Variants in ZCCHC4 observed in about 807,000 individuals in gnomAD.
ZCCHC4 encodes rRNA N(6)-adenosine-methyltransferase ZCCHC4.
In ZCCHC4, 54 loss-of-function variants were observed where a neutral mutation model predicts 67.7. The ratio of observed to expected loss-of-function variants is 0.80; its 90% confidence interval spans 0.64 to 1.00. The LOEUF (loss-of-function observed/expected upper bound fraction) is 1.00. ZCCHC4 is among the 50% of genes least tolerant of loss of function. The probability of loss-of-function intolerance (pLI) is 0.00; values close to 1 mark genes in which losing one functional copy is unlikely to be tolerated. For synonymous variants in ZCCHC4, 198 were observed against 213.5 expected (o/e 0.93, Z 0.63); for missense variants, 609 against 617.0 (o/e 0.99, Z 0.14).
chr4:25,341,711 C>T (rs903046383), intron 5 of ZCCHC4, among the ~76,000 whole-genome samples: 1 of 152,212 alleles, frequency 6.6e-6, no homozygotes, highest in Non-Finnish European at 1.5e-5. Context: ...GCGCCCCTAA[C>T]CTCTGTGTTG....
At position 25,313,283 on chromosome 4, in the gene ZCCHC4, G is replaced by A. The variant is rs77712518; in HGVS notation, c.127+347G>A. The stretch of plus-strand genomic sequence containing the variant: ...CTCTCCCTTCAAAAATAAAAAATTA[G>A]GGAGAAAAACAGTGTAATTCTTGCC... On this transcript the variant is annotated intron_variant, in intron 1 of 12. Transcript: ENST00000302874. Among the ~76,000 whole-genome samples, 292 of 152,290 alleles carry A rather than the reference G, an allele frequency of 1.9e-3. 3 individuals carry two copies. The highest frequency in any genetic ancestry group is 6.8e-3 in the African/African-American group (283 of 41,560).
intron 8 of ZCCHC4, among the ~76,000 whole-genome samples, chr4:25,352,765 C>T (rs1462180527): frequency 6.6e-6 from 1 of 152,220 alleles, no homozygotes; most frequent in Non-Finnish European, 1.5e-5. Context: ...GAATAATCGA[C>T]TAGCCCCTGA....
At chr4:25,349,415 C>T (rs1560411788) in intron 6 of ZCCHC4, 77 bp from the exon 7 acceptor site, 12 of 1,407,590 alleles carry the variant, frequency 8.5e-6, no homozygotes, top group Non-Finnish European at 1.1e-5. Context: ...GAGACTGAGT[C>T]TAATGCATTC....
At chr4:25,353,434 G>A (rs1430729584) in intron 8 of ZCCHC4, among the ~76,000 whole-genome samples, 1 of 152,108 alleles carries the variant, frequency 6.6e-6, no homozygotes, top group Non-Finnish European at 1.5e-5. Context: ...CTCGTTTTTG[G>A]GGCATCAAGT....
intron 12 of ZCCHC4, among the ~76,000 whole-genome samples, chr4:25,368,218 G>A (rs1721019842): frequency 6.6e-6 from 1 of 152,170 alleles, no homozygotes; most frequent in Non-Finnish European, 1.5e-5. Flanking sequence ...TGATATTGCT[G>A]GGTAATCAGG....
rs1721061095 is a variant in ZCCHC4 at position 25,369,329 on chromosome 4, T to G, written c.*165T>G. Reference sequence around the variant, plus strand: ...GCTGGTTTACAGTCCCTTATCTGCCTCTCTGGAGACATGGGGAGTTGTTCC... The same window carrying G: ...GCTGGTTTACAGTCCCTTATCTGCCGCTCTGGAGACATGGGGAGTTGTTCC... On this transcript the variant is annotated 3_prime_UTR_variant, in exon 13 of 13. Transcript: ENST00000302874. 1.2e-6 allele frequency: 1 copy of G among 838,676 alleles called. No homozygotes were observed. Among genetic ancestry groups the G allele is most frequent in the Non-Finnish European group, 1.8e-6 (1 of 551,344 alleles). 52.0% of individuals were successfully genotyped at this position (838,676 alleles called of 1,614,324 possible). A position where few individuals can be genotyped will look rare whatever the true frequency, so the allele number is the denominator to read the frequency against.
At chr4:25,351,756 C>T in intron 8 of ZCCHC4, 67 bp downstream of exon 8, 3 of 1,332,890 alleles carry the variant, frequency 2.3e-6, no homozygotes, top group African/African-American at 1.5e-5. Flanking sequence ...AGATATAAGA[C>T]TATTCATTGA....
chr4:25,328,421 G>T (rs28644202), intron 3 of ZCCHC4, among the ~76,000 whole-genome samples: 1 of 151,934 alleles, frequency 6.6e-6, no homozygotes, highest in South Asian at 2.1e-4. Flanking sequence ...TGTATTTTTC[G>T]TAGAGATGGG....
Position 25,369,257 on chromosome 4 carries a change from C to T in ZCCHC4, c.*93C>T. On this transcript the variant is annotated 3_prime_UTR_variant, in exon 13 of 13. Coordinates refer to ENST00000302874, the MANE Select transcript of ZCCHC4 (RefSeq NM_024936.3). ...ACACTGGACTTAAATTCAGCTGCTT[C>T]CAGAGGTGTGCACCTTTCTGAGCTA... is the stretch of plus-strand genomic sequence containing the variant. The T allele has an allele frequency of 6.4e-7, 1 of 1,555,596 alleles. No individual in the cohort carries two copies. The highest frequency in any genetic ancestry group is 8.7e-7 in the Non-Finnish European group (1 of 1,146,246).
intron 10 of ZCCHC4, 150 bp downstream of exon 10, chr4:25,362,451 T>G (rs944718023): frequency 3.5e-5 from 17 of 484,832 alleles, no homozygotes; most frequent in African/African-American, 2.8e-4. Context: ...TACAATATTT[T>G]AAATTATAGA....
At chr4:25,366,524 G>A (rs2109096642) in intron 12 of ZCCHC4, among the ~76,000 whole-genome samples, 1 of 152,190 alleles carries the variant, frequency 6.6e-6, no homozygotes, top group Admixed American at 6.5e-5. Flanking sequence ...CGCCGTGTTA[G>A]CCAGGATGGT....
At position 25,359,280 on chromosome 4, in the gene ZCCHC4, C is replaced by T. The variant is rs1720630110; in HGVS notation, c.1012-2579C>T. Among the ~76,000 whole-genome samples, 2 of 152,116 alleles carry T rather than the reference C, an allele frequency of 1.3e-5. No homozygotes were observed. Among genetic ancestry groups the T allele is most frequent in the Non-Finnish European group, 2.9e-5 (2 of 68,022 alleles). On this transcript the variant is annotated intron_variant, in intron 8 of 12. Transcript: ENST00000302874. The surrounding 1 kb of genome is among the most constrained non-coding windows in gnomAD (Gnocchi z 4.9). ...TGACTGTGCTACGAGAAGTACACAC[C>T]CAGTCCCTGAGGGATGCAGTACAGA...
chr4:25,349,342 A>G, intron 6 of ZCCHC4, 150 bp from the exon 7 acceptor site: 1 of 663,100 alleles, frequency 1.5e-6, no homozygotes, highest in Non-Finnish European at 2.4e-6. Context: ...GAGAGGCTTC[A>G]GAATGTCACT....
intron 3 of ZCCHC4, among the ~76,000 whole-genome samples, chr4:25,316,095 T>A (rs986038671): frequency 6.6e-6 from 1 of 152,248 alleles, no homozygotes; most frequent in Non-Finnish European, 1.5e-5. Flanking sequence ...CTTTTGGGTC[T>A]GGCTTATTTT....
intron 3 of ZCCHC4, among the ~76,000 whole-genome samples, chr4:25,318,843 T>C (rs10031354): frequency 0.52 from 79,263 of 151,834 alleles, 21,950 homozygotes; most frequent in Non-Finnish European, 0.61. Flanking sequence ...TTCTTGCCAG[T>C]ATGTCTCAAT....
chr4:25,324,536 T>C (rs986955732), intron 3 of ZCCHC4, among the ~76,000 whole-genome samples: 2 of 152,234 alleles, frequency 1.3e-5, no homozygotes, highest in African/African-American at 2.4e-5. Flanking sequence ...TATGTCCTTG[T>C]ATGGACTCAT....
At chr4:25,328,686 G>T (rs1469159356) in intron 3 of ZCCHC4, among the ~76,000 whole-genome samples, 1 of 151,870 alleles carries the variant, frequency 6.6e-6, no homozygotes, top group African/African-American at 2.4e-5. Context: ...GGCTCGAGCA[G>T]TCCCCCCACC....
chr4:25,344,426 C>A (rs1177998669), intron 5 of ZCCHC4, among the ~76,000 whole-genome samples: 1 of 130,046 alleles, frequency 7.7e-6, no homozygotes, highest in African/African-American at 2.9e-5. Flanking sequence ...AACACATGGA[C>A]ACAGGAAGGG....
At chr4:25,327,363 T>C (rs1192916132) in intron 3 of ZCCHC4, among the ~76,000 whole-genome samples, 1 of 152,138 alleles carries the variant, frequency 6.6e-6, no homozygotes, top group African/African-American at 2.4e-5. Flanking sequence ...CTTCTATTTC[T>C]GGTTTTTTGA....
Sources: allele counts gnomAD v4.1 joint callset (sites outside exome capture counted in the v4.1 genomes callset), GRCh38; gene constraint gnomAD v4.1.1; non-coding constraint Gnocchi (gnomAD v3.1); transcripts MANE v1.5; gene names NCBI Gene and HGNC (gene_info 2026-07-23, HGNC 2026-07-21).